Variants in CHN2 observed in about 807,000 individuals in gnomAD.
The protein encoded by CHN2 is chimerin 2.
Under a neutral mutation model 56.3 loss-of-function variants are expected in CHN2, and 35 were observed. That is an observed-to-expected ratio of 0.62 (90% CI 0.47 to 0.82). CHN2 has a LOEUF of 0.82. Ranked by LOEUF, CHN2 falls within the 40% of genes least tolerant of loss-of-function variation. CHN2 has a pLI of 0.00. For synonymous variants in CHN2, 210 were observed against 212.8 expected (o/e 0.99, Z 0.12); for missense variants, 491 against 580.5 (o/e 0.85, Z 1.58).
chr7:29,195,038 A>G lies in CHN2; in HGVS notation c.49+48A>G, dbSNP rs769480060. The G allele has an allele frequency of 1.2e-5, 18 of 1,561,930 alleles. No individual in the cohort carries two copies. In the South Asian group the frequency reaches 2.0e-4, roughly 17 times the overall value. Reference sequence around the variant, plus strand: ...CTGCTGCCGCGCCGGGTCTCGCCCCACTGCCCTCGCCCCGCAGCCTGGGAT... The same window carrying G: ...CTGCTGCCGCGCCGGGTCTCGCCCCGCTGCCCTCGCCCCGCAGCCTGGGAT... On this transcript the variant is annotated intron_variant, in intron 1 of 12. Coordinates refer to ENST00000222792, the MANE Select transcript of CHN2 (RefSeq NM_004067.4).
chr7:29,464,882 G>A (rs1048905886), intron 6 of CHN2, among the ~76,000 whole-genome samples: 1 of 152,168 alleles, frequency 6.6e-6, no homozygotes, highest in South Asian at 2.1e-4. Flanking sequence ...CTGCCCTGCT[G>A]TTGTTTCCCA....
chr7:29,247,666 C>T (rs985293075), intron 1 of CHN2, among the ~76,000 whole-genome samples: 1 of 152,220 alleles, frequency 6.6e-6, no homozygotes, highest in Admixed American at 6.5e-5. Flanking sequence ...CCTCACCGCC[C>T]CGATGGTGCC....
chr7:29,508,064 G>A (rs1440860949), intron 11 of CHN2, among the ~76,000 whole-genome samples: 1 of 152,182 alleles, frequency 6.6e-6, no homozygotes. Context: ...CAGTATACTA[G>A]AACGTCTCAC....
intron 2 of CHN2, among the ~76,000 whole-genome samples, chr7:29,177,638 A>G (rs1192608493): frequency 6.8e-6 from 1 of 147,142 alleles, no homozygotes; most frequent in Non-Finnish European, 1.5e-5. Context: ...CCATCTGTTT[A>G]TCTATCTGTC....
intron 1 of CHN2, chr7:29,213,163 C>A: frequency 1.4e-6 from 2 of 1,463,330 alleles, no homozygotes; most frequent in Admixed American, 3.3e-5. Flanking sequence ...ACTCCACAAA[C>A]CATGGATTTA....
Position 29,259,013 on chromosome 7 carries a change from C to T in CHN2, c.49+64023C>T, listed in dbSNP as rs147299468. Among the ~76,000 whole-genome samples, 4 of 133,026 alleles carry T rather than the reference C, an allele frequency of 3.0e-5. No individual in the cohort carries two copies. In the East Asian group the frequency reaches 7.1e-4, roughly 24 times the overall value. 87.3% of individuals were successfully genotyped at this position (133,026 alleles called of 152,430 possible). A position where few individuals can be genotyped will look rare whatever the true frequency, so the allele number is the denominator to read the frequency against. ...CTGTGGTGTAGCACATAGTGGAGTA[C>T]TATGTAGCTTAAAAAAAAAAAAAAA... On this transcript the variant is annotated intron_variant, in intron 1 of 12. Coordinates refer to ENST00000222792, the MANE Select transcript of CHN2 (RefSeq NM_004067.4).
chr7:29,227,746 C>T (rs1786323909), intron 1 of CHN2, among the ~76,000 whole-genome samples: 2 of 152,116 alleles, frequency 1.3e-5, no homozygotes, highest in Non-Finnish European at 2.9e-5. Flanking sequence ...AAGTTCTATT[C>T]CTGACCTTTT....
chr7:29,252,574 C>CTTTTT lies in CHN2; in HGVS notation c.49+57587_49+57588insTTTTT, dbSNP rs150230689. Among the ~76,000 whole-genome samples the CTTTTT allele has an allele frequency of 1.5e-3, 29 of 19,298 alleles. 1 individual carries two copies. Among genetic ancestry groups the CTTTTT allele is most frequent in the Non-Finnish European group, 2.0e-3 (22 of 10,752 alleles). 12.7% of individuals were successfully genotyped at this position (19,298 alleles called of 152,430 possible). ...TTTGCTGTTTGTCTAAAATTGCATT[C>CTTTTT]TTTGTTTTTTTTTTTTTTTTTTTTT... On this transcript the variant is annotated intron_variant, in intron 1 of 12. Transcript: ENST00000222792.
At chr7:29,299,403 G>C (rs1793464024) in intron 1 of CHN2, among the ~76,000 whole-genome samples, 1 of 152,184 alleles carries the variant, frequency 6.6e-6, no homozygotes, top group South Asian at 2.1e-4. Flanking sequence ...CTGTCTGGGA[G>C]ACCTTAACAA....
intron 6 of CHN2, among the ~76,000 whole-genome samples, chr7:29,456,886 C>G (rs1029069950): frequency 6.6e-6 from 1 of 152,092 alleles, no homozygotes; most frequent in African/African-American, 2.4e-5. Context: ...CTCCAGAAAG[C>G]ACCAGGAGCT....
intron 1 of CHN2, chr7:29,212,692 C>T (rs957220999): frequency 8.4e-6 from 13 of 1,552,560 alleles, no homozygotes; most frequent in Non-Finnish European, 1.1e-5. Context: ...TCTCCAATAT[C>T]TGGAACCTCA....
chr7:29,426,158 G>A (rs1042055794), intron 6 of CHN2, among the ~76,000 whole-genome samples: 1 of 137,398 alleles, frequency 7.3e-6, no homozygotes, highest in Non-Finnish European at 1.5e-5. Flanking sequence ...GCAGTGAGCC[G>A]AGATCCTGCC....
chr7:29,342,410 G>A lies in CHN2; in HGVS notation c.50-12215G>A, dbSNP rs530575048. Among the ~76,000 whole-genome samples, 25 of 152,246 alleles carry A rather than the reference G, an allele frequency of 1.6e-4. 1 individual carries two copies. The highest frequency in any genetic ancestry group is 8.3e-4 in the South Asian group (4 of 4,824). ...CTCTACTTCAGGACTACTTGACTCC[G>A]AATATACTATGGCCAAAAAAATATT... On this transcript the variant is annotated intron_variant, in intron 1 of 12. Transcript: ENST00000222792.
chr7:29,320,510 G>A (rs1161266873), intron 1 of CHN2, among the ~76,000 whole-genome samples: 1 of 152,056 alleles, frequency 6.6e-6, no homozygotes, highest in African/African-American at 2.4e-5. Context: ...TTCTCTTTAT[G>A]GAAAGAGAGA....
intron 1 of CHN2, among the ~76,000 whole-genome samples, chr7:29,340,263 T>C (rs1005441605): frequency 7.2e-5 from 11 of 152,240 alleles, no homozygotes; most frequent in African/African-American, 2.7e-4. Context: ...TTCAGGTATA[T>C]ATGCCTATTT....
intron 1 of CHN2, among the ~76,000 whole-genome samples, chr7:29,354,128 T>C (rs1479724353): frequency 6.6e-6 from 1 of 152,228 alleles, no homozygotes; most frequent in Non-Finnish European, 1.5e-5. Flanking sequence ...GAATCATCAG[T>C]GTCTCTGCTG....
At chr7:29,374,991 G>A (rs1212870363) in intron 3 of CHN2, among the ~76,000 whole-genome samples, 6 of 144,674 alleles carry the variant, frequency 4.1e-5, no homozygotes, top group East Asian at 2.1e-4. Context: ...AGGTTCAAGC[G>A]ATTCTTCTGC....
intron 2 of CHN2, among the ~76,000 whole-genome samples, chr7:29,360,126 T>C (rs1562545658): frequency 6.6e-6 from 1 of 152,234 alleles, no homozygotes; most frequent in Non-Finnish European, 1.5e-5. Flanking sequence ...GTTTCTCTTA[T>C]ACATACTTAC....
At chr7:29,242,759 G>GGA (rs1452254924) in intron 1 of CHN2, among the ~76,000 whole-genome samples, 7 of 59,730 alleles carry the variant, frequency 1.2e-4, no homozygotes, top group Admixed American at 3.4e-4. Flanking sequence ...CTTTCCTTCT[G>GGA]AAAAAAAAAA....
Sources: allele counts gnomAD v4.1 joint callset (sites outside exome capture counted in the v4.1 genomes callset), GRCh38; gene constraint gnomAD v4.1.1; transcripts MANE v1.5; gene names NCBI Gene and HGNC (gene_info 2026-07-23, HGNC 2026-07-21).